DAB1: variants seen among roughly 807,000 people sequenced by gnomAD.
The protein encoded by DAB1 is DAB adaptor protein 1, also known as disabled homolog 1.
A neutral mutation model predicts 64.6 loss-of-function variants in DAB1; 15 were observed. The observed-to-expected ratio is 0.23, with a 90% CI of 0.16 to 0.36. The LOEUF (loss-of-function observed/expected upper bound fraction) is 0.36, where lower values mean the gene tolerates loss of function less well. Ranked by LOEUF, DAB1 falls within the 10% of genes least tolerant of loss-of-function variation. The probability of loss-of-function intolerance (pLI) is 1.00; values close to 1 mark genes in which losing one functional copy is unlikely to be tolerated. For synonymous variants in DAB1, 235 were observed against 251.9 expected (o/e 0.93, Z 0.64); for missense variants, 596 against 706.7 (o/e 0.84, Z 1.78).
intron 2 of DAB1, among the ~76,000 whole-genome samples, chr1:57,274,700 C>T (rs924596658): frequency 1.3e-5 from 2 of 152,168 alleles, no homozygotes; most frequent in South Asian, 4.1e-4. Flanking sequence ...CCTGCCTCAG[C>T]ATCCCAAGTA....
intron 7 of DAB1, among the ~76,000 whole-genome samples, chr1:57,553,382 A>AAGAGAGAAAGAAAGAAAGAAAGAAAG (rs60491103): frequency 1.0e-5 from 1 of 95,782 alleles, no homozygotes. Flanking sequence ...GGAAGGAAGA[A>AAGAGAGAAAGAAAGAAAGAAAGAAAG]AGAGAAAGAA....
chr1:57,052,894 A>G (rs976580111), intron 9 of DAB1, among the ~76,000 whole-genome samples: 2 of 152,198 alleles, frequency 1.3e-5, no homozygotes, highest in African/African-American at 4.8e-5. Context: ...TATTTAGCCC[A>G]GATGTTCACT....
intron 5 of DAB1, among the ~76,000 whole-genome samples, chr1:58,124,371 T>C (rs752101613): frequency 1.2e-4 from 19 of 152,114 alleles, no homozygotes; most frequent in Admixed American, 1.1e-3. Flanking sequence ...TCCTTAAATA[T>C]GGTGTACAAA....
chr1:58,049,059 T>C, intron 5 of DAB1: 2 of 783,828 alleles, frequency 2.6e-6, no homozygotes, highest in African/African-American at 3.4e-5. Flanking sequence ...TCCACCCACC[T>C]TGTGTGGCCT....
In DAB1 at chr1:57,927,399, TGAG is replaced by T. The variant is rs1278012458; in HGVS notation, n.388-43240_388-43238del. 7.9e-5 allele frequency among the ~76,000 whole-genome samples: 12 copies of T among 152,216 alleles called. No individual in the cohort carries two copies. In the East Asian group the frequency reaches 2.1e-3, roughly 27 times the overall value. ...CCAACCATTCAGCTACTTGGAAGGC[TGAG>T]GAGGGAGGATCACCTGAGCTTCTAG... is the stretch of plus-strand genomic sequence containing the variant. On this transcript the variant is annotated intron_variant and non_coding_transcript_variant, in intron 5 of 20. Transcript: ENST00000485760.
chr1:58,399,297 T>G (rs1644550705), intron 3 of DAB1, among the ~76,000 whole-genome samples: 1 of 152,200 alleles, frequency 6.6e-6, no homozygotes, highest in Non-Finnish European at 1.5e-5. Flanking sequence ...AGATTAGGCT[T>G]GTTTTGCAGA....
chr1:57,937,312 G>A (rs1391987752), intron 5 of DAB1, among the ~76,000 whole-genome samples: 1 of 152,058 alleles, frequency 6.6e-6, no homozygotes, highest in Non-Finnish European at 1.5e-5. Flanking sequence ...AAATTGATCT[G>A]ATCAGTTATC....
upstream of DAB1, among the ~76,000 whole-genome samples, chr1:57,884,738 T>A (rs2101974102): frequency 6.6e-6 from 1 of 152,338 alleles, no homozygotes; most frequent in East Asian, 1.9e-4. Context: ...ATACCCAGTG[T>A]TGGAGGTGAG....
chr1:58,145,332 G>A (rs74074109), intron 5 of DAB1, among the ~76,000 whole-genome samples: 28,133 of 152,130 alleles, frequency 0.18, 2,812 homozygotes, highest in East Asian at 0.37. Flanking sequence ...AGAGTTTTTT[G>A]TTGAATTGAA....
chr1:57,854,356 G>C (rs945160876), intron 1 of DAB1, among the ~76,000 whole-genome samples: 2 of 152,134 alleles, frequency 1.3e-5, no homozygotes, highest in East Asian at 3.9e-4. Flanking sequence ...TGGGCCTATG[G>C]GTCTGTTTCT....
At chr1:58,332,975 G>C (rs927007407) in intron 4 of DAB1, among the ~76,000 whole-genome samples, 2 of 152,144 alleles carry the variant, frequency 1.3e-5, no homozygotes, top group African/African-American at 4.8e-5. Flanking sequence ...CAATGGCACA[G>C]TCTCGGCTCA....
intron 6 of DAB1, among the ~76,000 whole-genome samples, chr1:57,665,172 G>C (rs1646431477): frequency 6.6e-6 from 1 of 151,848 alleles, no homozygotes; most frequent in African/African-American, 2.4e-5. Flanking sequence ...ATAATATTTT[G>C]ATACCTCAAT....
chr1:57,006,052 T>C (rs1443976938), intron 14 of DAB1, among the ~76,000 whole-genome samples: 3 of 152,220 alleles, frequency 2.0e-5, no homozygotes, highest in Non-Finnish European at 4.4e-5. Flanking sequence ...TTCATTCATT[T>C]ATGTATCATC....
chr1:57,604,587 G>A (rs934660667), intron 7 of DAB1, among the ~76,000 whole-genome samples: 1 of 152,150 alleles, frequency 6.6e-6, no homozygotes, highest in Non-Finnish European at 1.5e-5. Flanking sequence ...CACAGAGCCA[G>A]AAAATATGGC....
chr1:57,330,362 C>T (rs1050077339), intron 1 of DAB1, among the ~76,000 whole-genome samples: 2 of 152,112 alleles, frequency 1.3e-5, no homozygotes, highest in Admixed American at 1.3e-4. Context: ...TGTGTCGTAC[C>T]CAGGCTCCTG....
chr1:57,829,132 G>A (rs1353192844), intron 1 of DAB1, among the ~76,000 whole-genome samples: 1 of 152,126 alleles, frequency 6.6e-6, no homozygotes, highest in South Asian at 2.1e-4. Flanking sequence ...TAACTGACAG[G>A]CACAGGTTCA....
At chr1:57,456,175 T>A (rs1320318465) in intron 7 of DAB1, among the ~76,000 whole-genome samples, 2 of 152,174 alleles carry the variant, frequency 1.3e-5, no homozygotes, top group Non-Finnish European at 2.9e-5. Flanking sequence ...ACAGCAGTAT[T>A]TCAAATAGTA....
At chr1:57,677,156 C>T (rs540923919) in intron 6 of DAB1, among the ~76,000 whole-genome samples, 4 of 152,258 alleles carry the variant, frequency 2.6e-5, no homozygotes, top group Admixed American at 2.6e-4. Flanking sequence ...AAGGTGGCCA[C>T]CTGTGAAACA....
chr1:57,146,249 A>G (rs887956303), intron 2 of DAB1, among the ~76,000 whole-genome samples: 1 of 152,226 alleles, frequency 6.6e-6, no homozygotes, highest in African/African-American at 2.4e-5. Flanking sequence ...AAGGTCACAG[A>G]GTTTAGGTAG....
Sources: gnomAD v4.1 joint callset for allele counts (sites outside exome capture counted in the v4.1 genomes callset) on GRCh38, gnomAD v4.1.1 for gene constraint, MANE v1.5 for transcripts, NCBI Gene and HGNC (gene_info 2026-07-23, HGNC 2026-07-21) for gene names.